SOX6: variants seen among roughly 807,000 people sequenced by gnomAD.
SOX6 encodes SRY-box transcription factor 6.
A neutral mutation model predicts 97.8 loss-of-function variants in SOX6; 11 were observed. That is an observed-to-expected ratio of 0.11 (90% CI 0.07 to 0.19). The LOEUF (loss-of-function observed/expected upper bound fraction) is 0.19, where lower values mean the gene tolerates loss of function less well. SOX6 is among the 10% of genes least tolerant of loss of function. The pLI is 1.00. For synonymous variants in SOX6, 360 were observed against 371.4 expected (o/e 0.97, Z 0.35); for missense variants, 810 against 1,039.5 (o/e 0.78, Z 3.04).
At chr11:16,715,923 C>T (rs1450637296) in intron 2 of SOX6, among the ~76,000 whole-genome samples, 1 of 151,998 alleles carries the variant, frequency 6.6e-6, no homozygotes, top group Non-Finnish European at 1.5e-5. Flanking sequence ...AAGAATAGTA[C>T]TATAATATTT....
chr11:16,469,771 G>GA (rs1242811302), intron 1 of SOX6, among the ~76,000 whole-genome samples: 6 of 151,734 alleles, frequency 4.0e-5, no homozygotes, highest in South Asian at 2.1e-4. Flanking sequence ...GTCAGAGAGG[G>GA]AAAAAAAGAT....
chr11:16,269,641 A>G (rs1009629737), intron 3 of SOX6, among the ~76,000 whole-genome samples: 13 of 150,994 alleles, frequency 8.6e-5, no homozygotes, highest in African/African-American at 2.9e-4. Flanking sequence ...CTTTCCTCAT[A>G]TGAAATTTGT....
intron 3 of SOX6, chr11:16,316,124 A>T (rs573553693): frequency 3.3e-4 from 50 of 150,430 alleles, no homozygotes; most frequent in African/African-American, 1.2e-3. Context: ...TTTTTTAATC[A>T]TTCATCTGGC....
chr11:16,147,362 G>A (rs1428623430), intron 6 of SOX6, among the ~76,000 whole-genome samples: 1 of 152,082 alleles, frequency 6.6e-6, no homozygotes, highest in Non-Finnish European at 1.5e-5. Flanking sequence ...TGGGGTGGGG[G>A]AGGAGGGAAG....
At chr11:16,024,755 A>G (rs1425906700) in intron 12 of SOX6, among the ~76,000 whole-genome samples, 1 of 152,034 alleles carries the variant, frequency 6.6e-6, no homozygotes, top group Non-Finnish European at 1.5e-5. Flanking sequence ...GCAAGCAGAG[A>G]AGCATGCAGC....
At chr11:16,317,190 A>G (rs923388180) in intron 3 of SOX6, 9 of 151,632 alleles carry the variant, frequency 5.9e-5, no homozygotes, top group African/African-American at 1.9e-4. Context: ...AATAATCTCA[A>G]TGATCACTAG....
chr11:16,098,955 C>T (rs140498036), intron 7 of SOX6, among the ~76,000 whole-genome samples: 1 of 151,900 alleles, frequency 6.6e-6, no homozygotes, highest in Non-Finnish European at 1.5e-5. Context: ...TGCTACTCAG[C>T]TGGCCCAATG....
intron 4 of SOX6, among the ~76,000 whole-genome samples, chr11:16,485,997 G>T: frequency 1.3e-5 from 1 of 75,864 alleles, no homozygotes; most frequent in South Asian, 6.2e-4. Flanking sequence ...GGAGGGGAGG[G>T]GAAGGAAGGG....
chr11:16,456,236 A>C (rs930408874), intron 1 of SOX6, among the ~76,000 whole-genome samples: 1 of 152,112 alleles, frequency 6.6e-6, no homozygotes, highest in Non-Finnish European at 1.5e-5. Context: ...TGATGGGTTT[A>C]GTCCGTTTTA....
intron 1 of SOX6, among the ~76,000 whole-genome samples, chr11:16,376,454 A>G (rs1209904772): frequency 6.6e-6 from 1 of 152,130 alleles, no homozygotes; most frequent in Non-Finnish European, 1.5e-5. Flanking sequence ...AATCCTCAAG[A>G]CATAATCCAT....
At chr11:16,505,197 A>G (rs1210522500) in intron 4 of SOX6, among the ~76,000 whole-genome samples, 1 of 152,204 alleles carries the variant, frequency 6.6e-6, no homozygotes, top group African/African-American at 2.4e-5. Context: ...CAAAATGCTG[A>G]TAGTCATATG....
At chr11:16,404,219 T>C (rs1053274243) in intron 1 of SOX6, among the ~76,000 whole-genome samples, 2 of 151,872 alleles carry the variant, frequency 1.3e-5, no homozygotes, top group Admixed American at 1.3e-4. Context: ...ATGTATTAAA[T>C]TGTAAATAAG....
chr11:16,585,571 T>A (rs574891296), intron 4 of SOX6, among the ~76,000 whole-genome samples: 10 of 152,230 alleles, frequency 6.6e-5, no homozygotes, highest in African/African-American at 2.2e-4. Flanking sequence ...AGTATAGGAT[T>A]TCTACTCTTC....
intron 3 of SOX6, among the ~76,000 whole-genome samples, chr11:16,663,547 G>A (rs1847782534): frequency 6.6e-6 from 1 of 152,130 alleles, no homozygotes; most frequent in Non-Finnish European, 1.5e-5. Context: ...GGTCTCAAAT[G>A]CCTGAGCTAA....
At chr11:16,480,476 C>G (rs1274999206), upstream of SOX6, among the ~76,000 whole-genome samples, 1 of 152,048 alleles carries the variant, frequency 6.6e-6, no homozygotes, top group Non-Finnish European at 1.5e-5. Context: ...TAAACATTTT[C>G]ACAAAAGCAT....
intron 4 of SOX6, among the ~76,000 whole-genome samples, chr11:16,498,992 T>A (rs1365234971): frequency 2.6e-5 from 4 of 152,200 alleles, no homozygotes; most frequent in African/African-American, 9.6e-5. Flanking sequence ...CCACCCCAAA[T>A]CAACAGAATA....
chr11:16,617,915 A>C (rs898773979), intron 3 of SOX6, among the ~76,000 whole-genome samples: 1 of 151,932 alleles, frequency 6.6e-6, no homozygotes, highest in East Asian at 1.9e-4. Flanking sequence ...TAATTATTAA[A>C]TTATGGATGC....
rs1483404861 is a variant in SOX6 at position 16,182,150 on chromosome 11, T to C, written c.777+1736A>G. Among the ~76,000 whole-genome samples, 4 of 151,986 alleles carry C rather than the reference T, an allele frequency of 2.6e-5. No individual in the cohort carries two copies. The East Asian group carries it at 7.7e-4, about 29-fold the overall frequency. ...AAATATTCTGAACTGATTTGGTTGC[T>C]GTTCACCTGGAGTTCTCAGTGCCAC... On this transcript the variant is annotated intron_variant, in intron 6 of 15. Coordinates refer to ENST00000683767, the MANE Select transcript of SOX6 (RefSeq NM_001367873.1).
At chr11:15,986,583 A>T (rs1853848274) in intron 14 of SOX6, among the ~76,000 whole-genome samples, 163 bp from the exon 15 acceptor site, 1 of 152,180 alleles carries the variant, frequency 6.6e-6, no homozygotes, top group Non-Finnish European at 1.5e-5. Flanking sequence ...TCTATAACAC[A>T]AAGAACAATT....
Sources: allele counts gnomAD v4.1 joint callset (sites outside exome capture counted in the v4.1 genomes callset), GRCh38; gene constraint gnomAD v4.1.1; transcripts MANE v1.5; gene names NCBI Gene and HGNC (gene_info 2026-07-23, HGNC 2026-07-21).